The following DACH2 variants were observed in gnomAD, a reference collection of about 807,000 sequenced individuals.
DACH2 encodes dachshund homolog 2.
DACH2 carries 17 observed loss-of-function variants against 35.8 expected under a neutral mutation model. That is an observed-to-expected ratio of 0.48 (90% CI 0.33 to 0.71). DACH2 has a LOEUF of 0.71. Ranked by LOEUF, DACH2 falls within the 30% of genes least tolerant of loss-of-function variation. The pLI is 0.02. For missense variants in DACH2, 469 were observed against 472.7 expected (o/e 0.99, Z 0.07); for synonymous variants, 195 against 177.3 (o/e 1.10, Z -0.79).
intron 2 of DACH2, among the ~76,000 whole-genome samples, chrX:86,384,872 T>C (rs1438798701): frequency 8.9e-6 from 1 of 111,815 alleles, no homozygotes; most frequent in Non-Finnish European, 1.9e-5. Context: ...TTAAAACATA[T>C]AAAACATCGA....
intron 2 of DACH2, among the ~76,000 whole-genome samples, chrX:86,429,168 C>G (rs993961652): frequency 1.8e-5 from 2 of 110,542 alleles, no homozygotes; most frequent in African/African-American, 6.6e-5. Flanking sequence ...AATTATAGAG[C>G]CTGTGGGCTT....
intron 3 of DACH2, among the ~76,000 whole-genome samples, chrX:86,539,091 T>G (rs1187853392): frequency 9.0e-6 from 1 of 111,341 alleles, no homozygotes; most frequent in Non-Finnish European, 1.9e-5. Context: ...TCATCTCGAA[T>G]TGTAATCCTT....
chrX:86,187,266 G>A (rs766276381), intron 1 of DACH2, among the ~76,000 whole-genome samples: 1 of 111,101 alleles, frequency 9.0e-6, no homozygotes, highest in Admixed American at 9.6e-5. Context: ...TGTTAGCACG[G>A]CACAAACCAC....
At chrX:86,663,180 C>T (rs1475737867) in intron 4 of DACH2, among the ~76,000 whole-genome samples, 1 of 111,445 alleles carries the variant, frequency 9.0e-6, no homozygotes, top group Non-Finnish European at 1.9e-5. Context: ...AATGTAGGCA[C>T]TCACTGTAGG....
chrX:86,408,788 G>A (rs762507932), intron 2 of DACH2, among the ~76,000 whole-genome samples: 43 of 111,749 alleles, frequency 3.8e-4, no homozygotes, highest in African/African-American at 1.2e-3. Context: ...CACCATATAT[G>A]ATTTGTGTCA....
chrX:86,528,269 T>C (rs1413404221), intron 3 of DACH2, among the ~76,000 whole-genome samples: 1 of 112,188 alleles, frequency 8.9e-6, no homozygotes, highest in Non-Finnish European at 1.9e-5. Context: ...ATACTATTTA[T>C]GACTTTGTTA....
intron 6 of DACH2, among the ~76,000 whole-genome samples, chrX:86,731,678 G>GT (rs750787029): frequency 2.2e-4 from 25 of 111,608 alleles, no homozygotes; most frequent in African/African-American, 6.8e-4. Context: ...GTAAATATTG[G>GT]TAAAAAAAAG....
Position 86,251,170 on chromosome X carries a change from C to T in DACH2, c.488+102062C>T, listed in dbSNP as rs148534467. Among the ~76,000 whole-genome samples the T allele has an allele frequency of 2.5e-3, 279 of 110,377 alleles. 1 individual carries two copies. Among genetic ancestry groups the T allele is most frequent in the African/African-American group, 8.7e-3 (264 of 30,461 alleles). ...TAAAAGTATGTAAAGCATAGTTGTC[C>T]GTTAAAAATAGAGATACATTAAATG... On this transcript the variant is annotated intron_variant, in intron 1 of 11. Coordinates refer to ENST00000373125, the MANE Select transcript of DACH2 (RefSeq NM_053281.3).
chrX:86,492,827 A>G (rs1228647997), intron 2 of DACH2, among the ~76,000 whole-genome samples: 1 of 111,675 alleles, frequency 9.0e-6, no homozygotes, highest in Non-Finnish European at 1.9e-5. Flanking sequence ...GTGTATATGT[A>G]CCACATTTTC....
chrX:86,310,447 G>T (rs2105919), intron 1 of DACH2, among the ~76,000 whole-genome samples: 17,886 of 110,836 alleles, frequency 0.16, 1,443 homozygotes, highest in African/African-American at 0.28. Context: ...GAGAAGAGAA[G>T]ACTAGGGCCT....
chrX:86,666,958 G>A (rs899734242), intron 4 of DACH2, among the ~76,000 whole-genome samples: 2 of 108,790 alleles, frequency 1.8e-5, no homozygotes, highest in African/African-American at 6.7e-5. Flanking sequence ...AAAGCATGTA[G>A]CCCTGGGCCG....
At chrX:86,405,920 AAGG>A (rs2036520250) in intron 2 of DACH2, among the ~76,000 whole-genome samples, 4 of 111,447 alleles carry the variant, frequency 3.6e-5, no homozygotes, top group Admixed American at 2.9e-4. Flanking sequence ...TGGTGGCGGC[AAGG>A]AGAAGTGAGG....
intron 1 of DACH2, among the ~76,000 whole-genome samples, chrX:86,328,019 TC>T (rs985784542): frequency 1.8e-5 from 2 of 112,130 alleles, no homozygotes; most frequent in Non-Finnish European, 3.8e-5. Context: ...CTTGTTTTTT[TC>T]TTCCTCATTT....
chrX:86,558,334 G>A lies in DACH2; in HGVS notation c.640+43943G>A, dbSNP rs1166083211. On this transcript the variant is annotated intron_variant, in intron 3 of 11. Transcript: ENST00000373125. ...AGCTTTTTGATGTGCTGCTGGATTC[G>A]GTTTGCCAGTATTTTATTGAGGATT... is the stretch of plus-strand genomic sequence containing the variant. Among the ~76,000 whole-genome samples, 6 of 36,175 alleles carry A rather than the reference G, an allele frequency of 1.7e-4. 1 individual carries two copies. In the South Asian group the frequency reaches 9.7e-3, roughly 58 times the overall value. The allele number at this position is 36,175 out of a possible 115,157, so 31.4% of individuals were successfully genotyped here.
rs199648363 is a variant in DACH2 at position 86,812,950 on chromosome X, A to G, written c.1335A>G (p.Pro445=). The G allele has an allele frequency of 1.7e-6, 2 of 1,207,659 alleles. No individual in the cohort carries two copies. The highest frequency in any genetic ancestry group is 1.7e-5 in the African/African-American group (1 of 57,196). ...CATTGCCCGCTGGATTCCCTGGACC[A>G]TTCATTTTTGCTGATAGTCTGTCCT... ...GQALPAGFPG[P]FIFADSLSSV... Residue 445 remains proline, a synonymous_variant, in exon 8 of 12, where the codon CCA becomes CCG. Coordinates refer to ENST00000373125, the MANE Select transcript of DACH2 (RefSeq NM_053281.3).
intron 4 of DACH2, among the ~76,000 whole-genome samples, chrX:86,668,940 T>C (rs1209981478): frequency 8.9e-6 from 1 of 111,769 alleles, no homozygotes; most frequent in African/African-American, 3.2e-5. Flanking sequence ...TTGAAGCATG[T>C]ATTATATGTT....
intron 11 of DACH2, among the ~76,000 whole-genome samples, chrX:86,822,531 A>G (rs1569486138): frequency 8.9e-6 from 1 of 112,012 alleles, no homozygotes; most frequent in Admixed American, 9.5e-5. Context: ...AGTGGGAACT[A>G]AAACACAGGA....
intron 2 of DACH2, among the ~76,000 whole-genome samples, chrX:86,479,094 G>T (rs967851485): frequency 9.0e-6 from 1 of 110,944 alleles, no homozygotes; most frequent in Non-Finnish European, 1.9e-5. Flanking sequence ...CCACCCAGCA[G>T]CTGGACTCTC....
intron 3 of DACH2, among the ~76,000 whole-genome samples, chrX:86,627,717 C>T (rs1221286542): frequency 9.0e-6 from 1 of 111,717 alleles, no homozygotes; most frequent in Non-Finnish European, 1.9e-5. Context: ...ATTTTATGTA[C>T]TCATTAAATT....
Sources: allele counts gnomAD v4.1 joint callset (sites outside exome capture counted in the v4.1 genomes callset), GRCh38; gene constraint gnomAD v4.1.1; transcripts MANE v1.5; gene names NCBI Gene and HGNC (gene_info 2026-07-23, HGNC 2026-07-21).